TRPC4AP: variants seen among roughly 807,000 people sequenced by gnomAD.
The protein encoded by TRPC4AP is short transient receptor potential channel 4-associated protein.
TRPC4AP carries 45 observed loss-of-function variants against 99.0 expected under a neutral mutation model. That is an observed-to-expected ratio of 0.45 (90% CI 0.36 to 0.58). The LOEUF (loss-of-function observed/expected upper bound fraction) is 0.58, where lower values mean the gene tolerates loss of function less well. Ranked by LOEUF, TRPC4AP falls within the 20% of genes least tolerant of loss-of-function variation. The pLI, the probability that TRPC4AP is intolerant of heterozygous loss-of-function variation, is 0.00. For missense variants in TRPC4AP, 879 were observed against 985.3 expected, an observed-to-expected ratio of 0.89 and a Z score of 1.44; for synonymous variants, 408 against 385.8, an observed-to-expected ratio of 1.06 and a Z score of -0.67.
At chr20:35,004,351 C>G in intron 17 of TRPC4AP, 107 bp downstream of exon 17, 1 of 916,614 alleles carries the variant, frequency 1.1e-6, no homozygotes, top group Non-Finnish European at 1.7e-6. Context: ...AGCTGGGTCT[C>G]CAGAGACGCA....
rs200843794 is a variant in TRPC4AP at position 35,049,941 on chromosome 20, C to T, written c.582G>A (p.Leu194=). 25 of 1,613,916 alleles carry T rather than the reference C, an allele frequency of 1.5e-5. 1 individual carries two copies. The highest frequency in any genetic ancestry group is 1.7e-6 in the Non-Finnish European group (2 of 1,179,964). ...LAEKNDFVIF[L]FTLMTSKKTF... ...TCTTCTTACTTGTCATCAATGTAAA[C>T]AGGAAGATCACAAAGTCATTCTTTT... Residue 194 remains leucine (L), a synonymous_variant, in exon 6 of 19, where the codon CTG becomes CTA. Transcript: ENST00000252015.
chr20:35,052,369 T>C (rs1284477549), intron 5 of TRPC4AP, among the ~76,000 whole-genome samples: 3 of 152,040 alleles, frequency 2.0e-5, no homozygotes, highest in Admixed American at 6.6e-5. Context: ...GTTGAGATTA[T>C]AGGTGTGAGC....
rs1178769816 is a variant in TRPC4AP at position 35,024,077 on chromosome 20, C to G, written c.1052-2721G>C. Among the ~76,000 whole-genome samples, 3 of 151,662 alleles carry G rather than the reference C, an allele frequency of 2.0e-5. No homozygotes were observed. In the East Asian group the frequency reaches 5.8e-4, roughly 29 times the overall value. Reference sequence around the variant, plus strand: ...TTCAGCTCTACCACACCGATTGGAGCGGTCACCACTCTCTGTCTGCACTGC... The same window carrying G: ...TTCAGCTCTACCACACCGATTGGAGGGGTCACCACTCTCTGTCTGCACTGC... On this transcript the variant is annotated intron_variant, in intron 8 of 18. Transcript: ENST00000252015.
chr20:35,048,210 C>CTTTT lies in TRPC4AP; in HGVS notation c.657+1655_657+1656insAAAA, dbSNP rs1487171166. 1.6e-4 allele frequency among the ~76,000 whole-genome samples: 15 copies of CTTTT among 91,438 alleles called. 6 individuals are homozygous for CTTTT. Among genetic ancestry groups the CTTTT allele is most frequent in the African/African-American group, 2.0e-4 (5 of 25,506 alleles). The allele number at this position is 91,438 out of a possible 152,430, so 60.0% of individuals were successfully genotyped here. On this transcript the variant is annotated intron_variant, in intron 6 of 18. Coordinates refer to ENST00000252015, the MANE Select transcript of TRPC4AP (RefSeq NM_015638.3). The stretch of plus-strand genomic sequence containing the variant: ...TTTTTCATGCTGATTTGTAAGAATT[C>CTTTT]TGTTTTTTTTTTTTTTTTTGAGAGG...
chr20:35,006,760 A>G (rs1356544167), intron 14 of TRPC4AP, among the ~76,000 whole-genome samples, 185 bp from the exon 15 acceptor site: 3 of 152,224 alleles, frequency 2.0e-5, no homozygotes, highest in Non-Finnish European at 4.4e-5. Flanking sequence ...AGACCTCACC[A>G]GGAGGTGGAG....
chr20:35,030,678 G>A (rs2083167560), intron 8 of TRPC4AP, among the ~76,000 whole-genome samples: 2 of 152,180 alleles, frequency 1.3e-5, no homozygotes, highest in Admixed American at 6.5e-5. Context: ...TTGGTGTCAT[G>A]ATACTCCATT....
intron 1 of TRPC4AP, among the ~76,000 whole-genome samples, chr20:35,088,375 G>C (rs776009086): frequency 6.6e-6 from 1 of 152,192 alleles, no homozygotes; most frequent in Non-Finnish European, 1.5e-5. Context: ...AAAGCCATGA[G>C]ATTGCTTGGC....
intron 3 of TRPC4AP, among the ~76,000 whole-genome samples, chr20:35,059,826 A>T (rs544064724): frequency 2.8e-4 from 43 of 152,178 alleles, no homozygotes; most frequent in Admixed American, 2.0e-3. Flanking sequence ...AAGACGAAGA[A>T]GATGAAGACA....
In TRPC4AP at chr20:35,024,829, A is replaced by C. The variant is rs1204954513; in HGVS notation, c.1052-3473T>G. On this transcript the variant is annotated intron_variant, in intron 8 of 18. Transcript: ENST00000252015. ...GGTGACAGAGAGAGACCGTCTCAAA[A>C]AAAAAAAAAAAAAAAAAAAAAAAAA... Among the ~76,000 whole-genome samples the C allele has an allele frequency of 4.2e-3, 297 of 71,204 alleles. 43 individuals are homozygous for C. The highest frequency in any genetic ancestry group is 6.3e-3 in the Non-Finnish European group (210 of 33,144). 46.7% of individuals were successfully genotyped at this position (71,204 alleles called of 152,430 possible).
intron 3 of TRPC4AP, among the ~76,000 whole-genome samples, chr20:35,068,800 G>A (rs11167255): frequency 0.14 from 20,983 of 151,344 alleles, 1,838 homozygotes; most frequent in African/African-American, 0.25. Context: ...GATTACAGGC[G>A]TGAGCCACTG....
chr20:35,038,195 A>C (rs575763719), intron 7 of TRPC4AP, among the ~76,000 whole-genome samples: 1 of 151,148 alleles, frequency 6.6e-6, no homozygotes, highest in Admixed American at 6.6e-5. Flanking sequence ...TGAGTTGTTC[A>C]CTTTAAGACG....
At chr20:35,043,136 A>T (rs1216445679) in intron 7 of TRPC4AP, among the ~76,000 whole-genome samples, 2 of 152,154 alleles carry the variant, frequency 1.3e-5, no homozygotes, top group Non-Finnish European at 2.9e-5. Flanking sequence ...TCATTTTTTC[A>T]AAGCTACACA....
Position 35,050,568 on chromosome 20 carries a change from C to T in TRPC4AP, c.529-574G>A, listed in dbSNP as rs188685427. Among the ~76,000 whole-genome samples, 96 of 152,074 alleles carry T rather than the reference C, an allele frequency of 6.3e-4. No individual in the cohort carries two copies. In the East Asian group the frequency reaches 0.012, roughly 19 times the overall value. ...TGTCTACTGAAAATATAAATATTAG[C>T]TGGGTGTGGTGGTGCATGCCTGTAG... On this transcript the variant is annotated intron_variant, in intron 5 of 18. Transcript: ENST00000252015.
chr20:35,029,285 C>T (rs891784534), intron 8 of TRPC4AP, among the ~76,000 whole-genome samples: 12 of 152,146 alleles, frequency 7.9e-5, no homozygotes, highest in Non-Finnish European at 1.2e-4. Context: ...CCAGCTTTCT[C>T]GTGGATGCTG....
Position 35,044,574 on chromosome 20 carries a change from G to C in TRPC4AP, c.796C>G (p.Leu266Val). Reference sequence around the variant, plus strand: ...TTCTGTTGAGCATTTTTGGCAAGAAGCGTGTGCTTGTCATCATTCCCTGTA... The same window carrying C: ...TTCTGTTGAGCATTTTTGGCAAGAACCGTGTGCTTGTCATCATTCCCTGTA... The part of the protein sequence containing the change: ...MDTGNDDKHT[L>V]LAKNAQQKKS... The change falls in exon 7 of 19, where the codon CTT becomes GTT. Residue 266 changes from leucine (L) to valine (V), a missense_variant. Leu to Val is a conservative substitution (Grantham distance 32). This residue lies in a region of TRPC4AP where 603 missense variants were observed against 631.8 expected (regional missense o/e 0.95). Transcript: ENST00000252015. 1 of 1,614,100 alleles carries C rather than the reference G, an allele frequency of 6.2e-7. No individual in the cohort carries two copies. Among genetic ancestry groups the C allele is most frequent in the Non-Finnish European group, 8.5e-7 (1 of 1,180,006 alleles).
Position 35,002,925 on chromosome 20 carries a change from G to C in TRPC4AP, c.*221C>G. On this transcript the variant is annotated 3_prime_UTR_variant, in exon 19 of 19. Coordinates refer to ENST00000252015, the MANE Select transcript of TRPC4AP (RefSeq NM_015638.3). ...GGGTTCTGAAGGAAAGGTGGGCATG[G>C]TACCCTGTCCTCATTATGGGGACTG... 1 of 555,530 alleles carries C rather than the reference G, an allele frequency of 1.8e-6. No individual in the cohort carries two copies. Among genetic ancestry groups the C allele is most frequent in the Non-Finnish European group, 3.1e-6 (1 of 320,916 alleles). 34.4% of individuals were successfully genotyped at this position (555,530 alleles called of 1,614,324 possible).
chr20:35,076,507 G>A (rs963655385), intron 2 of TRPC4AP, among the ~76,000 whole-genome samples: 3 of 152,220 alleles, frequency 2.0e-5, no homozygotes, highest in Non-Finnish European at 4.4e-5. Flanking sequence ...CTGCAGGTCT[G>A]TCAGAGTTTG....
intron 10 of TRPC4AP, among the ~76,000 whole-genome samples, chr20:35,013,835 G>C (rs538679676): frequency 6.6e-6 from 1 of 152,330 alleles, no homozygotes; most frequent in African/African-American, 2.4e-5. Context: ...GGTGAAAGAA[G>C]GGTTAGAAAG....
chr20:35,004,637 C>T (rs967162781), intron 16 of TRPC4AP, 67 bp from the exon 17 acceptor site: 8 of 1,349,964 alleles, frequency 5.9e-6, no homozygotes, highest in South Asian at 3.7e-5. Flanking sequence ...CCAGGCCTTT[C>T]GTGGAGCCCC....
Sources: gnomAD v4.1 joint callset for allele counts (sites outside exome capture counted in the v4.1 genomes callset) on GRCh38, gnomAD v4.1.1 for gene constraint, gnomAD v4.1.1 regional missense constraint, MANE v1.5 for transcripts, NCBI Gene and HGNC (gene_info 2026-07-23, HGNC 2026-07-21) for gene names.